The following TRAK1 variants were observed in gnomAD, a reference collection of about 807,000 sequenced individuals.
TRAK1 encodes trafficking kinesin-binding protein 1.
In TRAK1, 33 loss-of-function variants were observed where a neutral mutation model predicts 92.1. The observed-to-expected ratio is 0.36, with a 90% CI of 0.27 to 0.48. The LOEUF (loss-of-function observed/expected upper bound fraction) is 0.48, where lower values mean the gene tolerates loss of function less well. Ranked by LOEUF, TRAK1 falls within the 20% of genes least tolerant of loss-of-function variation. TRAK1 has a pLI of 0.99. For synonymous variants in TRAK1, 521 were observed against 517.3 expected (o/e 1.01, Z -0.10); for missense variants, 1,123 against 1,257.9 (o/e 0.89, Z 1.62).
intron 2 of TRAK1, among the ~76,000 whole-genome samples, chr3:42,158,291 G>A (rs569987693): frequency 1.1e-4 from 16 of 152,056 alleles, no homozygotes; most frequent in Non-Finnish European, 1.6e-4. Flanking sequence ...CACTGTGGCC[G>A]GCACAATATC....
intron 4 of TRAK1, 24 bp downstream of exon 4, chr3:42,184,825 T>G: frequency 6.2e-7 from 1 of 1,602,602 alleles, no homozygotes; most frequent in Admixed American, 1.7e-5. Flanking sequence ...GGCCGAGGCT[T>G]CCAGAGGGGC....
intron 1 of TRAK1, among the ~76,000 whole-genome samples, chr3:42,108,319 A>G (rs1023386844): frequency 3.9e-5 from 6 of 151,916 alleles, no homozygotes; most frequent in African/African-American, 1.5e-4. Flanking sequence ...GGGAAACCCC[A>G]TCTTTACTAA....
intron 1 of TRAK1, among the ~76,000 whole-genome samples, chr3:42,029,204 T>C (rs938676974): frequency 6.6e-6 from 1 of 152,110 alleles, no homozygotes; most frequent in Non-Finnish European, 1.5e-5. Context: ...ACCTCCAGCA[T>C]TGGGGATTAC....
intron 10 of TRAK1, among the ~76,000 whole-genome samples, chr3:42,197,434 TG>T (rs147809542): frequency 0.055 from 8,405 of 152,298 alleles, 226 homozygotes; most frequent in Middle Eastern, 0.075. Flanking sequence ...TTTTTAAATT[TG>T]TATTATTTTT....
intron 1 of TRAK1, among the ~76,000 whole-genome samples, chr3:42,121,262 T>C (rs1709814623): frequency 6.7e-6 from 1 of 149,740 alleles, no homozygotes; most frequent in Admixed American, 6.6e-5. Flanking sequence ...GGGAATTCTT[T>C]TTTTTTTTTT....
chr3:42,123,324 TCTGCCTTC>T (rs1227230967), intron 1 of TRAK1, among the ~76,000 whole-genome samples: 1 of 152,246 alleles, frequency 6.6e-6, no homozygotes, highest in East Asian at 1.9e-4. Flanking sequence ...TTACTGCCTT[TCTGCCTTC>T]CTGCCTTCCT....
At chr3:42,112,394 C>G (rs964866389) in intron 1 of TRAK1, among the ~76,000 whole-genome samples, 1 of 149,152 alleles carries the variant, frequency 6.7e-6, no homozygotes, top group African/African-American at 2.5e-5. Flanking sequence ...CACCACTGCA[C>G]TCCAGCCTGG....
intron 1 of TRAK1, among the ~76,000 whole-genome samples, chr3:42,030,488 C>CGTGA (rs1455555299): frequency 1.2e-4 from 18 of 149,824 alleles, no homozygotes; most frequent in Admixed American, 1.2e-3. Context: ...GCCTGCCCAA[C>CGTGA]GTGATGAAAC....
At chr3:42,069,477 C>G (rs1480852180) in intron 1 of TRAK1, among the ~76,000 whole-genome samples, 1 of 152,056 alleles carries the variant, frequency 6.6e-6, no homozygotes, top group African/African-American at 2.4e-5. Context: ...ATGTATTTCT[C>G]TGGGTGGGGA....
intron 1 of TRAK1, among the ~76,000 whole-genome samples, chr3:42,064,580 A>G (rs545640952): frequency 1.4e-4 from 22 of 152,354 alleles, no homozygotes; most frequent in African/African-American, 5.3e-4. Flanking sequence ...TGAACTTATT[A>G]TGGAAATACA....
At chr3:42,138,242 G>T (rs1378712214) in intron 2 of TRAK1, among the ~76,000 whole-genome samples, 1 of 152,126 alleles carries the variant, frequency 6.6e-6, no homozygotes, top group East Asian at 1.9e-4. Flanking sequence ...GACTTTTCTT[G>T]TTAAGATATA....
intron 1 of TRAK1, among the ~76,000 whole-genome samples, chr3:42,074,519 G>T (rs1372045418): frequency 6.6e-6 from 1 of 152,220 alleles, no homozygotes; most frequent in Non-Finnish European, 1.5e-5. Flanking sequence ...GAGAGACAAG[G>T]TCTTGGAGTG....
upstream of TRAK1, among the ~76,000 whole-genome samples, chr3:42,086,717 G>C (rs982394996): frequency 1.3e-5 from 2 of 152,154 alleles, no homozygotes; most frequent in African/African-American, 4.8e-5. Context: ...TATTGTGGTT[G>C]AAAGAGTTTA....
At chr3:42,034,376 C>T (rs927676334) in intron 1 of TRAK1, among the ~76,000 whole-genome samples, 4 of 152,186 alleles carry the variant, frequency 2.6e-5, no homozygotes, top group African/African-American at 9.7e-5. Context: ...ACTGCAGCCT[C>T]GACCTCCCTG....
chr3:42,057,058 C>T (rs1331209869), intron 1 of TRAK1, among the ~76,000 whole-genome samples: 2 of 152,044 alleles, frequency 1.3e-5, no homozygotes, highest in Admixed American at 6.6e-5. Flanking sequence ...CCACTTTGGC[C>T]GATTGAGATC....
chr3:42,122,027 A>G (rs1709951400), intron 1 of TRAK1, among the ~76,000 whole-genome samples: 1 of 152,020 alleles, frequency 6.6e-6, no homozygotes, highest in South Asian at 2.1e-4. Flanking sequence ...CGTGTTGGCC[A>G]GTCAGGTCTC....
At chr3:42,148,023 A>AAC (rs146659030) in intron 2 of TRAK1, among the ~76,000 whole-genome samples, 35,766 of 150,076 alleles carry the variant, frequency 0.24, 4,863 homozygotes, top group East Asian at 0.44. Flanking sequence ...CATACATAGA[A>AAC]ACACACACAC....
chr3:42,137,743 A>G (rs1355245966), intron 2 of TRAK1, among the ~76,000 whole-genome samples: 3 of 152,234 alleles, frequency 2.0e-5, no homozygotes, highest in Non-Finnish European at 4.4e-5. Context: ...TTTATAGTGA[A>G]GCTTTTCTTC....
At chr3:42,051,009 A>G (rs1702956871) in intron 1 of TRAK1, among the ~76,000 whole-genome samples, 1 of 152,222 alleles carries the variant, frequency 6.6e-6, no homozygotes, top group African/African-American at 2.4e-5. Context: ...AGCTCACATT[A>G]TACATTTAAT....
Sources: gnomAD v4.1 joint callset for allele counts (sites outside exome capture counted in the v4.1 genomes callset) on GRCh38, gnomAD v4.1.1 for gene constraint, MANE v1.5 for transcripts, NCBI Gene and HGNC (gene_info 2026-07-23, HGNC 2026-07-21) for gene names.